The following CLVS1 variants were observed in gnomAD, a reference collection of about 807,000 sequenced individuals.
The protein encoded by CLVS1 is clavesin 1.
In CLVS1, 10 loss-of-function variants were observed where a neutral mutation model predicts 33.1. The ratio of observed to expected loss-of-function variants is 0.30; its 90% CI spans 0.19 to 0.51. The LOEUF (loss-of-function observed/expected upper bound fraction) is 0.51. Among genes scored for constraint, CLVS1 ranks in the 20% least tolerant of loss-of-function variants. The pLI is 0.97. For synonymous variants in CLVS1, 163 were observed against 166.1 expected (o/e 0.98, Z 0.14); for missense variants, 343 against 433.4 (o/e 0.79, Z 1.85).
At chr8:61,250,043 T>C (rs1168241854) in intron 2 of CLVS1, among the ~76,000 whole-genome samples, 1 of 152,246 alleles carries the variant, frequency 6.6e-6, no homozygotes, top group Non-Finnish European at 1.5e-5. Context: ...ATTTTTATGG[T>C]TTTAAGTCTT....
intron 2 of CLVS1, among the ~76,000 whole-genome samples, chr8:61,215,975 A>G (rs1808076915): frequency 6.6e-6 from 1 of 152,104 alleles, no homozygotes. Flanking sequence ...TGGAAACCCA[A>G]TCCTGGTTTG....
At chr8:60,968,287 C>T in the CLVS1 span, among the ~76,000 whole-genome samples, 3 of 152,080 alleles carry the variant, frequency 2.0e-5, no homozygotes, top group Admixed American at 6.5e-5. Context: ...AGGCCGAGGC[C>T]GGCGGATCAC....
At chr8:61,455,285 C>T (rs1817109688) in intron 4 of CLVS1, among the ~76,000 whole-genome samples, 1 of 151,846 alleles carries the variant, frequency 6.6e-6, no homozygotes, top group Non-Finnish European at 1.5e-5. Context: ...AGTATCCATA[C>T]TGTACATTAG....
At chr8:60,985,061 C>G in the CLVS1 span, among the ~76,000 whole-genome samples, 1 of 152,190 alleles carries the variant, frequency 6.6e-6, no homozygotes, top group Admixed American at 6.5e-5. Flanking sequence ...TTTTCCAACC[C>G]TGAAAGCTAT....
intron 5 of CLVS1, among the ~76,000 whole-genome samples, chr8:61,476,886 G>T (rs1339113683): frequency 7.9e-5 from 12 of 152,214 alleles, no homozygotes; most frequent in Admixed American, 2.0e-4. Flanking sequence ...AGTTTTCAAA[G>T]GGAATGCTTC....
chr8:61,435,298 A>G (rs77440250), intron 3 of CLVS1, among the ~76,000 whole-genome samples: 2 of 151,280 alleles, frequency 1.3e-5, no homozygotes, highest in Non-Finnish European at 3.0e-5. Flanking sequence ...CTCAGGAGCT[A>G]TTTTTTTTTA....
chr8:61,435,255 C>T (rs1291116952), intron 3 of CLVS1, among the ~76,000 whole-genome samples: 1 of 152,098 alleles, frequency 6.6e-6, no homozygotes, highest in Non-Finnish European at 1.5e-5. Context: ...AAGGGAAAAA[C>T]AATCAAAAGC....
chr8:61,339,784 CAAG>C (rs1221958416), intron 2 of CLVS1, among the ~76,000 whole-genome samples: 2 of 85,630 alleles, frequency 2.3e-5, no homozygotes, highest in South Asian at 4.1e-4. Context: ...GGAAAGAAAA[CAAG>C]AAAGAGAAAA....
At chr8:61,407,240 G>T (rs1203538268) in intron 3 of CLVS1, among the ~76,000 whole-genome samples, 1 of 152,200 alleles carries the variant, frequency 6.6e-6, no homozygotes, top group Non-Finnish European at 1.5e-5. Flanking sequence ...ACACACGGTA[G>T]ATATTTATTC....
intron 3 of CLVS1, among the ~76,000 whole-genome samples, chr8:61,426,981 G>A (rs1040417473): frequency 6.6e-6 from 1 of 152,128 alleles, no homozygotes; most frequent in African/African-American, 2.4e-5. Context: ...CAATGAGAGA[G>A]CAAAATAGTA....
intron 1 of CLVS1, among the ~76,000 whole-genome samples, chr8:61,289,061 G>A (rs1809881356): frequency 6.6e-6 from 1 of 152,194 alleles, no homozygotes; most frequent in Admixed American, 6.5e-5. Flanking sequence ...TTGAAGCAAA[G>A]AAGATAGATC....
intron 2 of CLVS1, among the ~76,000 whole-genome samples, chr8:61,183,932 A>G (rs551201530): frequency 4.3e-4 from 65 of 152,286 alleles, no homozygotes; most frequent in African/African-American, 1.5e-3. Context: ...TTCCTCATAT[A>G]AGAATATAAC....
intron 1 of CLVS1, among the ~76,000 whole-genome samples, chr8:61,289,064 G>T (rs1299202268): frequency 6.6e-6 from 1 of 151,990 alleles, no homozygotes; most frequent in African/African-American, 2.4e-5. Context: ...AAGCAAAGAA[G>T]ATAGATCCCT....
chr8:61,292,842 C>T (rs1307741482), intron 1 of CLVS1, among the ~76,000 whole-genome samples: 1 of 152,146 alleles, frequency 6.6e-6, no homozygotes, highest in African/African-American at 2.4e-5. Flanking sequence ...TATAAGTTGG[C>T]ATTCCCCTCA....
chr8:60,976,944 G>T, the CLVS1 span, among the ~76,000 whole-genome samples: 3 of 152,186 alleles, frequency 2.0e-5, no homozygotes, highest in Non-Finnish European at 2.9e-5. Context: ...CAACCCCCAT[G>T]GGCTAAAGCA....
chr8:61,427,633 T>C (rs556200303), intron 3 of CLVS1, among the ~76,000 whole-genome samples: 2 of 152,322 alleles, frequency 1.3e-5, no homozygotes, highest in East Asian at 3.9e-4. Flanking sequence ...GTGGATTTTA[T>C]ACATTCATCT....
intron 1 of CLVS1, among the ~76,000 whole-genome samples, chr8:61,102,360 C>A (rs1410326688): frequency 1.3e-5 from 2 of 152,012 alleles, no homozygotes; most frequent in Admixed American, 6.6e-5. Flanking sequence ...ATTGTTTATG[C>A]AATTGTAAAA....
At chr8:61,019,114 C>G in the CLVS1 span, among the ~76,000 whole-genome samples, 2 of 152,250 alleles carry the variant, frequency 1.3e-5, no homozygotes, top group Non-Finnish European at 2.9e-5. Context: ...AAACTGTACT[C>G]TCCTATGCCT....
the CLVS1 span, among the ~76,000 whole-genome samples, chr8:60,984,107 T>C: frequency 6.6e-6 from 1 of 152,042 alleles, no homozygotes; most frequent in Non-Finnish European, 1.5e-5. Context: ...TGCTCCTTCC[T>C]CACCAATGGG....
Sources: allele counts gnomAD v4.1 joint callset (sites outside exome capture counted in the v4.1 genomes callset), GRCh38; gene constraint gnomAD v4.1.1; transcripts MANE v1.5; gene names NCBI Gene and HGNC (gene_info 2026-07-23, HGNC 2026-07-21).